AGBL1: variants seen among roughly 807,000 people sequenced by gnomAD.
The protein encoded by AGBL1 is AGBL carboxypeptidase 1, also known as cytosolic carboxypeptidase 4.
AGBL1 carries 130 observed loss-of-function variants against 118.9 expected under a neutral mutation model. The observed-to-expected ratio is 1.09, with a 90% CI of 0.95 to 1.26. The LOEUF is 1.26. Ranked by LOEUF, AGBL1 falls within the 50% of genes most tolerant of loss-of-function variation. AGBL1 has a pLI of 0.00. For missense variants in AGBL1, 1,584 were observed against 1,298.1 expected (o/e 1.22, Z -3.38); for synonymous variants, 555 against 478.9 (o/e 1.16, Z -2.08).
chr15:86,940,225 C>G (rs2141652461), intron 23 of AGBL1, among the ~76,000 whole-genome samples: 1 of 151,686 alleles, frequency 6.6e-6, no homozygotes, highest in South Asian at 2.1e-4. Flanking sequence ...CTAATGGAGC[C>G]CTTTGATTTG....
chr15:86,443,039 C>G (rs1245602632), intron 18 of AGBL1, among the ~76,000 whole-genome samples: 1 of 152,196 alleles, frequency 6.6e-6, no homozygotes, highest in East Asian at 1.9e-4. Flanking sequence ...GCCTGTGCAT[C>G]TCTCCCCGGA....
chr15:86,965,104 A>G (rs1307852221), intron 23 of AGBL1, among the ~76,000 whole-genome samples: 1 of 152,040 alleles, frequency 6.6e-6, no homozygotes, highest in African/African-American at 2.4e-5. Context: ...ATGTGCATGT[A>G]TTTTTATAGA....
chr15:86,667,223 T>G (rs1355355510), intron 21 of AGBL1, among the ~76,000 whole-genome samples: 1 of 88,710 alleles, frequency 1.1e-5, no homozygotes, highest in African/African-American at 5.1e-5. Context: ...TCTATGTATG[T>G]ATGTATGTAT....
chr15:86,578,837 G>C (rs2084134381), intron 21 of AGBL1, among the ~76,000 whole-genome samples: 1 of 152,182 alleles, frequency 6.6e-6, no homozygotes, highest in South Asian at 2.1e-4. Context: ...ATGTGGAACT[G>C]TAAGTCCAAC....
rs544306327 is a variant in AGBL1, at chr15:86,744,781, T to C, written c.3158+70345T>C. 5.9e-5 allele frequency among the ~76,000 whole-genome samples: 9 copies of C among 152,270 alleles called. No homozygotes were observed. The South Asian group carries it at 1.7e-3, about 28-fold the overall frequency. On this transcript the variant is annotated intron_variant, in intron 22 of 22. Coordinates refer to ENST00000614907, the MANE Select transcript of AGBL1 (RefSeq NM_001386094.1). ...TCGCTGTTATTTTCTATCAGTTGAGTTAATACATAGTTTTGAGAGATGGGT... is the reference window on the plus strand; with the variant it reads ...TCGCTGTTATTTTCTATCAGTTGAGCTAATACATAGTTTTGAGAGATGGGT...
intron 19 of AGBL1, among the ~76,000 whole-genome samples, chr15:86,528,264 A>G (rs917468617): frequency 2.4e-4 from 36 of 152,160 alleles, no homozygotes; most frequent in African/African-American, 8.7e-4. Context: ...CCGGGCGCGA[A>G]CCGAAGCAGG....
At chr15:86,231,376 T>C (rs777798514) in intron 6 of AGBL1, among the ~76,000 whole-genome samples, 29 of 152,360 alleles carry the variant, frequency 1.9e-4, no homozygotes, top group Non-Finnish European at 2.4e-4. Context: ...AGGAATCAAA[T>C]TGTGGCATGA....
chr15:86,378,019 G>A (rs1000143382), intron 17 of AGBL1, among the ~76,000 whole-genome samples: 1 of 152,152 alleles, frequency 6.6e-6, no homozygotes, highest in African/African-American at 2.4e-5. Context: ...TTAAGTCCTG[G>A]TGTAACATCC....
intron 1 of AGBL1, among the ~76,000 whole-genome samples, chr15:86,111,245 G>T (rs889746817): frequency 2.0e-4 from 30 of 152,314 alleles, no homozygotes; most frequent in African/African-American, 7.2e-4. Flanking sequence ...TCCTTTGATG[G>T]ATGGACTGGG....
intron 18 of AGBL1, among the ~76,000 whole-genome samples, chr15:86,405,203 T>C (rs990756888): frequency 2.0e-5 from 3 of 152,312 alleles, no homozygotes; most frequent in Non-Finnish European, 4.4e-5. Context: ...GCTATGCTAC[T>C]GGGCTTTAAA....
chr15:86,595,777 C>T (rs1438280460), intron 21 of AGBL1, among the ~76,000 whole-genome samples: 1 of 152,062 alleles, frequency 6.6e-6, no homozygotes, highest in African/African-American at 2.4e-5. Context: ...AATCAGCCTC[C>T]CCAAGAACTC....
At chr15:86,339,998 T>TTA (rs1321909008) in intron 17 of AGBL1, among the ~76,000 whole-genome samples, 1 of 152,036 alleles carries the variant, frequency 6.6e-6, no homozygotes, top group Non-Finnish European at 1.5e-5. Flanking sequence ...TCATCCTTCC[T>TTA]TATATATTCT....
At chr15:86,164,490 C>T (rs757279634) in intron 5 of AGBL1, among the ~76,000 whole-genome samples, 1 of 152,136 alleles carries the variant, frequency 6.6e-6, no homozygotes, top group African/African-American at 2.4e-5. Context: ...ACACTTTCTG[C>T]GGGAGGCTGT....
At chr15:86,403,908 G>A (rs1285072429) in intron 18 of AGBL1, among the ~76,000 whole-genome samples, 1 of 152,158 alleles carries the variant, frequency 6.6e-6, no homozygotes, top group Non-Finnish European at 1.5e-5. Context: ...AGACCAAAGA[G>A]GTAAGTGAGT....
chr15:86,466,996 C>T (rs2082416079), intron 18 of AGBL1, among the ~76,000 whole-genome samples: 1 of 152,244 alleles, frequency 6.6e-6, no homozygotes, highest in Non-Finnish European at 1.5e-5. Context: ...AGAGCTGGAG[C>T]ACTGTGCTGG....
chr15:86,826,117 C>G (rs1007497651), intron 22 of AGBL1, among the ~76,000 whole-genome samples: 1 of 151,880 alleles, frequency 6.6e-6, no homozygotes, highest in South Asian at 2.1e-4. Context: ...TTTGCTTGTA[C>G]TTATTTGTGT....
intron 22 of AGBL1, among the ~76,000 whole-genome samples, chr15:86,801,218 T>A (rs2078644272): frequency 6.6e-6 from 1 of 152,062 alleles, no homozygotes; most frequent in African/African-American, 2.4e-5. Flanking sequence ...CTGAATTCTA[T>A]CAGGGAGTAA....
chr15:86,645,165 G>A (rs866102795), intron 21 of AGBL1, among the ~76,000 whole-genome samples: 6 of 152,300 alleles, frequency 3.9e-5, no homozygotes, highest in Non-Finnish European at 8.8e-5. Flanking sequence ...AAATGGTGTG[G>A]TTATATAGAA....
chr15:86,876,934 G>A lies in AGBL1; in HGVS notation c.3159-30153G>A, dbSNP rs146923190. Among the ~76,000 whole-genome samples the A allele has an allele frequency of 2.5e-3, 375 of 152,084 alleles. 1 individual carries two copies. Among genetic ancestry groups the A allele is most frequent in the African/African-American group, 8.0e-3 (331 of 41,474 alleles). On this transcript the variant is annotated intron_variant, in intron 22 of 22. Transcript: ENST00000614907. ...GCATGCTAATCCTGCAGCATTATGCGTGGCACAATAATAAAAATAACAATA... is the reference window on the plus strand; with the variant it reads ...GCATGCTAATCCTGCAGCATTATGCATGGCACAATAATAAAAATAACAATA...
Sources: gnomAD v4.1 joint callset for allele counts (sites outside exome capture counted in the v4.1 genomes callset) on GRCh38, gnomAD v4.1.1 for gene constraint, MANE v1.5 for transcripts, NCBI Gene and HGNC (gene_info 2026-07-23, HGNC 2026-07-21) for gene names.